The following C19orf44 variants were observed in gnomAD, a reference collection of about 807,000 sequenced individuals.
The protein encoded by C19orf44 is uncharacterized protein C19orf44.
Under a neutral mutation model 50.7 loss-of-function variants are expected in C19orf44, and 43 were observed. That is an observed-to-expected ratio of 0.85 (90% CI 0.66 to 1.09). C19orf44 has a LOEUF of 1.09. C19orf44 is among the 50% of genes least tolerant of loss of function. The pLI is 0.00. For synonymous variants in C19orf44, 298 were observed against 334.7 expected (o/e 0.89, Z 1.20); for missense variants, 722 against 836.2 (o/e 0.86, Z 1.68).
At chr19:16,497,243 G>A (rs1287075608) in intron 1 of C19orf44, among the ~76,000 whole-genome samples, 2 of 149,888 alleles carry the variant, frequency 1.3e-5, no homozygotes, top group Admixed American at 6.7e-5. Flanking sequence ...TCACAGCACC[G>A]GCCCGATCTG....
chr19:16,519,782 G>C lies in C19orf44; in HGVS notation c.*41-312G>C, dbSNP rs1027854311. The C allele has an allele frequency of 1.6e-4, 213 of 1,351,076 alleles. No individual in the cohort carries two copies. The highest frequency in any genetic ancestry group is 4.7e-4 in the African/African-American group (33 of 69,800). 83.7% of individuals were successfully genotyped at this position (1,351,076 alleles called of 1,614,324 possible). ...ACATTTATTGGAATGACAGTGATGA[G>C]GACCTCACAGCCGCAGCTTGCGTGC... On this transcript the variant is annotated intron_variant, in intron 8 of 8. Coordinates refer to ENST00000221671, the MANE Select transcript of C19orf44 (RefSeq NM_032207.4). The surrounding 1 kb of genome is among the most constrained non-coding windows in gnomAD (Gnocchi z 6.0).
chr19:16,510,379 T>A (rs1052302112), intron 5 of C19orf44, among the ~76,000 whole-genome samples: 1 of 151,910 alleles, frequency 6.6e-6, no homozygotes, highest in African/African-American at 2.4e-5. Flanking sequence ...CCAGCCTGGG[T>A]GACAGAATGA....
At position 16,515,563 on chromosome 19, in the gene C19orf44, CT is replaced by C. The variant is rs1315688642; in HGVS notation, c.1902+902del. Among the ~76,000 whole-genome samples, 3 of 151,866 alleles carry C rather than the reference CT, an allele frequency of 2.0e-5. No homozygotes were observed. In the East Asian group the frequency reaches 5.8e-4, roughly 29 times the overall value. ...AATTTTTTTTTGACGGAGTTTTGCT[CT>C]TGTTGCCCAGGCTGGAATGCAGTGG... On this transcript the variant is annotated intron_variant, in intron 7 of 8. Transcript: ENST00000221671.
chr19:16,497,784 A>G lies in C19orf44; in HGVS notation c.-2+1319A>G, dbSNP rs1408968153. 2.0e-5 allele frequency among the ~76,000 whole-genome samples: 3 copies of G among 152,206 alleles called. No individual in the cohort carries two copies. The East Asian group carries it at 5.8e-4, about 29-fold the overall frequency. On this transcript the variant is annotated intron_variant, in intron 1 of 8. Coordinates refer to ENST00000221671, the MANE Select transcript of C19orf44 (RefSeq NM_032207.4). ...GTAATCCATTCACTAATTAATGGAT[A>G]GTTACATTGTTTTCCGTTTTAGTCT...
chr19:16,517,561 C>T (rs950530668), intron 8 of C19orf44, among the ~76,000 whole-genome samples: 1 of 152,230 alleles, frequency 6.6e-6, no homozygotes, highest in African/African-American at 2.4e-5. Context: ...TGACAGCTCT[C>T]CCAGCAGCAT....
In C19orf44 at chr19:16,506,363, G is replaced by A. The variant is rs1360515242; in HGVS notation, c.1076-338G>A. 3.3e-5 allele frequency among the ~76,000 whole-genome samples: 5 copies of A among 152,124 alleles called. No homozygotes were observed. The East Asian group carries it at 9.7e-4, about 30-fold the overall frequency. ...AAACCCAGCACTTTGGGAGGCCGAG[G>A]CAGGTGAATCACTTGAGGCCAGGAA... On this transcript the variant is annotated intron_variant, in intron 3 of 8. Transcript: ENST00000221671.
rs1393667741 is a variant in C19orf44, at chr19:16,517,362, A to C, written c.*40+21A>C. On this transcript the variant is annotated intron_variant, in intron 8 of 8. Coordinates refer to ENST00000221671, the MANE Select transcript of C19orf44 (RefSeq NM_032207.4). The stretch of plus-strand genomic sequence containing the variant: ...AAAAGGTATCCCGTCCTGTGTACTC[A>C]GTGCACACACACGCACACAAACATA... The C allele has an allele frequency of 2.7e-6, 4 of 1,507,384 alleles. No individual in the cohort carries two copies. In the African/African-American group the frequency reaches 5.5e-5, roughly 21 times the overall value. 93.4% of individuals were successfully genotyped at this position (1,507,384 alleles called of 1,614,324 possible).
At chr19:16,497,220 T>G (rs1236789191) in intron 1 of C19orf44, among the ~76,000 whole-genome samples, 3 of 151,964 alleles carry the variant, frequency 2.0e-5, no homozygotes, top group African/African-American at 7.3e-5. Context: ...AGTGCTGGGA[T>G]TATAGGCGTG....
rs772295480 is a variant in C19orf44 at position 16,520,809 on chromosome 19, G to A, written c.*756G>A. 4 of 1,612,410 alleles carry A rather than the reference G, an allele frequency of 2.5e-6. No individual in the cohort carries two copies. The highest frequency in any genetic ancestry group is 2.5e-6 in the Non-Finnish European group (3 of 1,179,324). On this transcript the variant is annotated 3_prime_UTR_variant, in exon 9 of 9. Coordinates refer to ENST00000221671, the MANE Select transcript of C19orf44 (RefSeq NM_032207.4). This position sits in a 1 kb window ranked among gnomAD's most constrained non-coding sequence, Gnocchi z 4.0. ...GGACCCTGGCCCCCCGGCCACTGCA[G>A]ACATCTGCGCTTTTACCTGTTCCTC...
At chr19:16,517,688 G>A (rs1045784320) in intron 8 of C19orf44, among the ~76,000 whole-genome samples, 1 of 150,992 alleles carries the variant, frequency 6.6e-6, no homozygotes, top group African/African-American at 2.5e-5. Flanking sequence ...GGCAGGTCCT[G>A]GCATCCCAGT....
intron 5 of C19orf44, among the ~76,000 whole-genome samples, chr19:16,512,706 A>C (rs2093460975): frequency 1.3e-5 from 2 of 151,972 alleles, no homozygotes; most frequent in South Asian, 4.1e-4. Flanking sequence ...TGTCTCTACA[A>C]AAAATTTTAA....
At chr19:16,497,352 CTTTTT>C (rs71180303) in intron 1 of C19orf44, among the ~76,000 whole-genome samples, 29 of 127,034 alleles carry the variant, frequency 2.3e-4, no homozygotes, top group Admixed American at 1.9e-3. Flanking sequence ...TTTTTCTTTC[CTTTTT>C]TTTTTTTTTT....
chr19:16,501,600 T>C (rs1401260237), intron 2 of C19orf44, 49 bp downstream of exon 2: 1 of 1,098,680 alleles, frequency 9.1e-7, no homozygotes, highest in Non-Finnish European at 1.2e-6. Flanking sequence ...TTTAATTTAA[T>C]TTTTTTTTTG....
chr19:16,519,462 G>A lies in C19orf44; in HGVS notation c.*41-632G>A, dbSNP rs756702904. 1.3e-4 allele frequency: 168 copies of A among 1,313,872 alleles called. No individual in the cohort carries two copies. The highest frequency in any genetic ancestry group is 1.7e-4 in the Non-Finnish European group (160 of 941,360). 81.4% of individuals were successfully genotyped at this position (1,313,872 alleles called of 1,614,324 possible). On this transcript the variant is annotated intron_variant, in intron 8 of 8. Coordinates refer to ENST00000221671, the MANE Select transcript of C19orf44 (RefSeq NM_032207.4). This position sits in a 1 kb window ranked among gnomAD's most constrained non-coding sequence, Gnocchi z 6.0. ...TGTAGACATGGGAAATGGGTAGAGA[G>A]AACCCGCAGGCCGGCCCTGTCTAGA... is the stretch of plus-strand genomic sequence containing the variant.
At chr19:16,509,408 T>G (rs1215632418) in intron 4 of C19orf44, 91 bp from the exon 5 acceptor site, 3 of 1,485,678 alleles carry the variant, frequency 2.0e-6, no homozygotes, top group African/African-American at 2.8e-5. Context: ...GCGGGAGTGC[T>G]GCAGGTCCCC....
In C19orf44 at chr19:16,520,153, G is replaced by A; in HGVS notation, c.*100G>A. The A allele has an allele frequency of 1.2e-6, 2 of 1,612,278 alleles. No homozygotes were observed. Among genetic ancestry groups the A allele is most frequent in the African/African-American group, 1.3e-5 (1 of 75,050 alleles). ...GCACTTAAGACAGGATCTTACGGCG[G>A]GGTGGGGCTCCTGGACCGTGACCGG... On this transcript the variant is annotated 3_prime_UTR_variant, in exon 9 of 9. Coordinates refer to ENST00000221671, the MANE Select transcript of C19orf44 (RefSeq NM_032207.4). The surrounding 1 kb of genome is among the most constrained non-coding windows in gnomAD (Gnocchi z 4.0).
Position 16,521,179 on chromosome 19 carries a change from AG to A in C19orf44, c.*1128del. The A allele has an allele frequency of 1.7e-6, 1 of 582,992 alleles. No homozygotes were observed. Among genetic ancestry groups the A allele is most frequent in the East Asian group, 2.9e-5 (1 of 35,048 alleles). The allele number at this position is 582,992 out of a possible 1,614,324, so 36.1% of individuals were successfully genotyped here. ...CCCATGGTCTGTGGAACTGGGAAACAGGAACACTGACTCATGGGTGGACAGG... is the reference window on the plus strand; with the variant it reads ...CCCATGGTCTGTGGAACTGGGAAACAGAACACTGACTCATGGGTGGACAGG... On this transcript the variant is annotated 3_prime_UTR_variant, in exon 9 of 9. Transcript: ENST00000221671.
In C19orf44 at chr19:16,521,240, T is replaced by TG. The variant is rs1421423235; in HGVS notation, c.*1190dup. Reference sequence around the variant, plus strand: ...CAGCACAGGAAGGAGGGGTGACCACTGGGAAGGGTGGGCTGAGGGCCCTGT... The same window carrying TG: ...CAGCACAGGAAGGAGGGGTGACCACTGGGGAAGGGTGGGCTGAGGGCCCTGT... On this transcript the variant is annotated 3_prime_UTR_variant, in exon 9 of 9. Coordinates refer to ENST00000221671, the MANE Select transcript of C19orf44 (RefSeq NM_032207.4). The TG allele has an allele frequency of 3.5e-6, 2 of 568,230 alleles. No homozygotes were observed. Among genetic ancestry groups the TG allele is most frequent in the Non-Finnish European group, 6.3e-6 (2 of 319,286 alleles). 35.2% of individuals were successfully genotyped at this position (568,230 alleles called of 1,614,324 possible). A position where few individuals can be genotyped will look rare whatever the true frequency, so the allele number is the denominator to read the frequency against.
At position 16,520,281 on chromosome 19, in the gene C19orf44, C is replaced by T; in HGVS notation, c.*228C>T. The T allele has an allele frequency of 6.2e-7, 1 of 1,613,124 alleles. No individual in the cohort carries two copies. Among genetic ancestry groups the T allele is most frequent in the Non-Finnish European group, 8.5e-7 (1 of 1,179,810 alleles). Reference sequence around the variant, plus strand: ...GCTCCGACTTCTGCAGGGAAGGGTGCCCAAGGGTCAGCAGCAGCCAGGCGT... The same window carrying T: ...GCTCCGACTTCTGCAGGGAAGGGTGTCCAAGGGTCAGCAGCAGCCAGGCGT... On this transcript the variant is annotated 3_prime_UTR_variant, in exon 9 of 9. Transcript: ENST00000221671. The surrounding 1 kb of genome is among the most constrained non-coding windows in gnomAD (Gnocchi z 4.0).
Sources: gnomAD v4.1 joint callset for allele counts (sites outside exome capture counted in the v4.1 genomes callset) on GRCh38, gnomAD v4.1.1 for gene constraint, Gnocchi (gnomAD v3.1) non-coding constraint, MANE v1.5 for transcripts, NCBI Gene and HGNC (gene_info 2026-07-23, HGNC 2026-07-21) for gene names.